Variants in METTL15 observed in about 807,000 individuals in gnomAD.
METTL15 encodes the protein 12S rRNA N(4)-cytidine methyltransferase METTL15.
METTL15 carries 34 observed loss-of-function variants against 38.3 expected under a neutral mutation model. That is an observed-to-expected ratio of 0.89 (90% CI 0.68 to 1.18). The LOEUF is 1.18. Among genes scored for constraint, METTL15 ranks in the 50% most tolerant of loss-of-function variants. The pLI, the probability that METTL15 is intolerant of heterozygous loss-of-function variation, is 0.00. For synonymous variants in METTL15, 162 were observed against 170.9 expected (o/e 0.95, Z 0.41); for missense variants, 438 against 498.4 (o/e 0.88, Z 1.15).
intron 3 of METTL15, among the ~76,000 whole-genome samples, chr11:28,348,151 T>TA (rs774770238): frequency 5.3e-5 from 8 of 152,146 alleles, no homozygotes; most frequent in Admixed American, 1.3e-4. Context: ...CCTTTGTAAT[T>TA]AAAAAAATGT....
In METTL15 at chr11:28,174,851, A is replaced by C. The variant is rs946130032; in HGVS notation, c.271-36211A>C. ...AAAAACATAAAAAAGCAAAAAAAGC[A>C]AATCTCTATTTTGAACTGTAAAACC... On this transcript the variant is annotated intron_variant, in intron 3 of 6. Coordinates refer to ENST00000407364, the MANE Select transcript of METTL15 (RefSeq NM_001113528.2). Among the ~76,000 whole-genome samples, 14 of 151,274 alleles carry C rather than the reference A, an allele frequency of 9.3e-5. No homozygotes were observed. In the South Asian group the frequency reaches 1.7e-3, roughly 18 times the overall value.
At chr11:28,363,296 C>T (rs1032502488) in intron 5 of METTL15, among the ~76,000 whole-genome samples, 1 of 152,110 alleles carries the variant, frequency 6.6e-6, no homozygotes, top group Non-Finnish European at 1.5e-5. Context: ...GCCTCAGCCT[C>T]CCGAGTAGCT....
intron 5 of METTL15, among the ~76,000 whole-genome samples, chr11:28,400,872 T>C (rs759582434): frequency 3.9e-5 from 6 of 151,966 alleles, no homozygotes; most frequent in Admixed American, 6.6e-5. Flanking sequence ...CACCATTGAA[T>C]TGAACAGAAT....
intron 6 of METTL15, among the ~76,000 whole-genome samples, chr11:28,445,683 G>A (rs925077272): frequency 2.0e-5 from 3 of 151,864 alleles, no homozygotes; most frequent in African/African-American, 4.8e-5. Flanking sequence ...ACAGGGTCTC[G>A]CTCTGTCACC....
chr11:28,270,047 A>G (rs1386295223), intron 4 of METTL15, among the ~76,000 whole-genome samples: 1 of 152,204 alleles, frequency 6.6e-6, no homozygotes, highest in Non-Finnish European at 1.5e-5. Context: ...AGAGAATGTT[A>G]ATTCTCTCAA....
chr11:28,410,436 G>T (rs1426340194), intron 5 of METTL15, among the ~76,000 whole-genome samples: 3 of 151,976 alleles, frequency 2.0e-5, no homozygotes, highest in Admixed American at 2.0e-4. Context: ...GACCATGTGG[G>T]ATTTATCCCT....
chr11:28,250,962 T>A (rs1381174849), intron 4 of METTL15, among the ~76,000 whole-genome samples: 2 of 152,052 alleles, frequency 1.3e-5, no homozygotes, highest in African/African-American at 4.8e-5. Flanking sequence ...TCTGCAGATA[T>A]TTTGGTGAAA....
chr11:28,286,105 T>C (rs1389085769), intron 4 of METTL15, among the ~76,000 whole-genome samples: 1 of 152,126 alleles, frequency 6.6e-6, no homozygotes, highest in Admixed American at 6.6e-5. Context: ...ACTCACCTGA[T>C]TGTGGGGTCT....
intron 6 of METTL15, among the ~76,000 whole-genome samples, chr11:28,490,011 C>A (rs1041011797): frequency 1.3e-5 from 2 of 151,892 alleles, no homozygotes; most frequent in African/African-American, 4.8e-5. Context: ...TACAGTGGTG[C>A]TAGTGGTAGG....
intron 5 of METTL15, among the ~76,000 whole-genome samples, chr11:28,373,306 T>C (rs867539154): frequency 1.1e-4 from 16 of 152,012 alleles, no homozygotes; most frequent in South Asian, 6.2e-4. Flanking sequence ...TTTTAATGAT[T>C]GCCATTCTAA....
intron 3 of METTL15, among the ~76,000 whole-genome samples, chr11:28,126,471 A>G: frequency 6.6e-6 from 1 of 152,106 alleles, no homozygotes; most frequent in East Asian, 1.9e-4. Flanking sequence ...TGATATGTAG[A>G]AGATACCCCA....
intron 5 of METTL15, among the ~76,000 whole-genome samples, chr11:28,290,686 A>G (rs757906462): frequency 6.6e-6 from 1 of 152,090 alleles, no homozygotes; most frequent in Non-Finnish European, 1.5e-5. Context: ...GTGTTAACCA[A>G]TGTCAGTAAA....
At chr11:28,273,702 CTG>C (rs2133961187) in intron 4 of METTL15, among the ~76,000 whole-genome samples, 1 of 152,064 alleles carries the variant, frequency 6.6e-6, no homozygotes, top group South Asian at 2.1e-4. Context: ...TATTGGGACA[CTG>C]TATATATGTA....
chr11:28,286,505 C>A (rs1367101893), intron 4 of METTL15, among the ~76,000 whole-genome samples: 4 of 152,052 alleles, frequency 2.6e-5, no homozygotes, highest in Non-Finnish European at 5.9e-5. Flanking sequence ...TTTACAGTAG[C>A]TAACAGTACA....
chr11:28,411,333 C>T (rs6416058), intron 5 of METTL15, among the ~76,000 whole-genome samples: 151,721 of 152,160 alleles, frequency 1, 75,643 homozygotes, highest in Non-Finnish European at 1. Context: ...GATTTAAAAT[C>T]ATGTTACAAA....
At chr11:28,176,615 A>T (rs1172511276) in intron 3 of METTL15, among the ~76,000 whole-genome samples, 1 of 152,136 alleles carries the variant, frequency 6.6e-6, no homozygotes, top group Non-Finnish European at 1.5e-5. Flanking sequence ...TTACACTATT[A>T]ATTTTTATTG....
chr11:28,425,902 A>C (rs1015883665), intron 6 of METTL15, among the ~76,000 whole-genome samples: 1 of 152,176 alleles, frequency 6.6e-6, no homozygotes, highest in Non-Finnish European at 1.5e-5. Flanking sequence ...TCTGTATTCC[A>C]GCTTCACTAT....
intron 5 of METTL15, among the ~76,000 whole-genome samples, chr11:28,377,359 C>T (rs201130086): frequency 2.0e-5 from 3 of 152,088 alleles, no homozygotes; most frequent in Admixed American, 6.5e-5. Flanking sequence ...TTGCCGTTTC[C>T]TTTTATTCTT....
chr11:28,219,561 T>A (rs1334427975), intron 4 of METTL15, among the ~76,000 whole-genome samples: 1 of 152,202 alleles, frequency 6.6e-6, no homozygotes, highest in Non-Finnish European at 1.5e-5. Context: ...TCTAACTCCT[T>A]CAGTTCTGCT....
Sources: gnomAD v4.1 joint callset for allele counts (sites outside exome capture counted in the v4.1 genomes callset) on GRCh38, gnomAD v4.1.1 for gene constraint, MANE v1.5 for transcripts, NCBI Gene and HGNC (gene_info 2026-07-23, HGNC 2026-07-21) for gene names.